The following KIAA1549 variants were observed in gnomAD, a reference collection of about 807,000 sequenced individuals.
The protein encoded by KIAA1549 is UPF0606 protein KIAA1549.
KIAA1549 carries 70 observed loss-of-function variants against 156.4 expected under a neutral mutation model. That is an observed-to-expected ratio of 0.45 (90% confidence interval 0.37 to 0.55). KIAA1549 has a LOEUF of 0.55. Ranked by LOEUF, KIAA1549 falls within the 20% of genes least tolerant of loss-of-function variation. KIAA1549 has a pLI of 0.00. For synonymous variants in KIAA1549, 1,103 were observed against 1,066.4 expected, an observed-to-expected ratio of 1.03 and a Z score of -0.67; for missense variants, 2,428 against 2,540.9, an observed-to-expected ratio of 0.96 and a Z score of 0.96.
chr7:138,894,598 T>G, intron 9 of KIAA1549, 72 bp from the exon 10 acceptor site: 1 of 1,462,968 alleles, frequency 6.8e-7, no homozygotes, highest in Non-Finnish European at 9.4e-7. Flanking sequence ...GTGTCTTCTA[T>G]GAGAAACTCA....
intron 10 of KIAA1549, among the ~76,000 whole-genome samples, chr7:138,891,308 A>C (rs542102035): frequency 1.3e-5 from 2 of 152,262 alleles, no homozygotes; most frequent in Non-Finnish European, 2.9e-5. Context: ...AAGGGCAGTC[A>C]GGAGCTCTGG....
At chr7:138,932,408 A>AT (rs1343697445) in intron 1 of KIAA1549, among the ~76,000 whole-genome samples, 7 of 152,062 alleles carry the variant, frequency 4.6e-5, no homozygotes, top group African/African-American at 1.7e-4. Flanking sequence ...AGAAAAAAAA[A>AT]ATATTTTTAA....
intron 1 of KIAA1549, among the ~76,000 whole-genome samples, chr7:138,961,077 C>T (rs1473370448): frequency 2.0e-5 from 3 of 152,364 alleles, no homozygotes; most frequent in African/African-American, 7.2e-5. Context: ...GCCATCTGTC[C>T]TGCACTTGGA....
At chr7:138,845,778 C>T (rs1810056438) in intron 17 of KIAA1549, among the ~76,000 whole-genome samples, 1 of 152,098 alleles carries the variant, frequency 6.6e-6, no homozygotes, top group South Asian at 2.1e-4. Flanking sequence ...AGACAAGTTC[C>T]CAAAATTCAA....
intron 1 of KIAA1549, among the ~76,000 whole-genome samples, chr7:138,964,772 G>A (rs1813965049): frequency 6.6e-6 from 1 of 152,206 alleles, no homozygotes; most frequent in Admixed American, 6.5e-5. Flanking sequence ...CTGGTGCATT[G>A]CTAGAGAGAA....
intron 10 of KIAA1549, 22 bp downstream of exon 10, chr7:138,894,320 G>A (rs1413791761): frequency 1.9e-6 from 3 of 1,612,412 alleles, no homozygotes; most frequent in Non-Finnish European, 1.7e-6. Flanking sequence ...TAGGAACACT[G>A]GGGGAAGAGG....
intron 1 of KIAA1549, among the ~76,000 whole-genome samples, chr7:138,930,023 T>C (rs1212847647): frequency 6.6e-6 from 1 of 152,204 alleles, no homozygotes; most frequent in Admixed American, 6.5e-5. Context: ...TCAAAATTAC[T>C]CTTGATCCAT....
In KIAA1549 at chr7:138,844,551, C is replaced by T. The variant is rs919839688; in HGVS notation, c.5295-77G>A. Reference sequence around the variant, plus strand: ...GTATTCCATGAGGTCCACCCCCAACCTTACAGAAGGTAACACTTATTTGTC... The same window carrying T: ...GTATTCCATGAGGTCCACCCCCAACTTTACAGAAGGTAACACTTATTTGTC... On this transcript the variant is annotated intron_variant, in intron 17 of 19. Coordinates refer to ENST00000422774, the MANE Select transcript of KIAA1549 (RefSeq NM_001164665.2). 12 of 1,327,670 alleles carry T rather than the reference C, an allele frequency of 9.0e-6. No individual in the cohort carries two copies. In the African/African-American group the frequency reaches 1.2e-4, roughly 13 times the overall value. 82.2% of individuals were successfully genotyped at this position (1,327,670 alleles called of 1,614,324 possible).
In KIAA1549 at chr7:138,839,005, T is replaced by C. The variant is rs1271049304; in HGVS notation, c.5599-845A>G. On this transcript the variant is annotated intron_variant, in intron 19 of 19. Coordinates refer to ENST00000422774, the MANE Select transcript of KIAA1549 (RefSeq NM_001164665.2). ...CATAGTGAGACCTTGCCTCCATTTT[T>C]TCAAAAAAACAAAACACCAAAACCA... Among the ~76,000 whole-genome samples the C allele has an allele frequency of 2.0e-5, 3 of 152,188 alleles. No individual in the cohort carries two copies. The East Asian group carries it at 5.8e-4, about 29-fold the overall frequency.
intron 6 of KIAA1549, among the ~76,000 whole-genome samples, chr7:138,906,297 G>A (rs1179581097): frequency 6.6e-6 from 1 of 152,134 alleles, no homozygotes; most frequent in African/African-American, 2.4e-5. Context: ...CGACACCCAG[G>A]GTGAACCTTA....
At chr7:138,957,687 A>G (rs1813709077) in intron 1 of KIAA1549, among the ~76,000 whole-genome samples, 1 of 152,098 alleles carries the variant, frequency 6.6e-6, no homozygotes, top group Admixed American at 6.6e-5. Flanking sequence ...CATGTTAGCA[A>G]GGCTTGTCTC....
rs74787905 is a variant in KIAA1549, at chr7:138,846,782, C to T, written c.5295-2308G>A. Among the ~76,000 whole-genome samples the T allele has an allele frequency of 6.2e-3, 950 of 152,276 alleles. 7 individuals are homozygous for T. Among genetic ancestry groups the T allele is most frequent in the Middle Eastern group, 0.014 (4 of 294 alleles). On this transcript the variant is annotated intron_variant, in intron 17 of 19. Coordinates refer to ENST00000422774, the MANE Select transcript of KIAA1549 (RefSeq NM_001164665.2). ...TCAAGAAAAAAAAGATAATAGTCTG[C>T]TACAGTTCTTTGCAAATGACACTGA...
At chr7:138,857,482 G>A (rs761897974) in intron 16 of KIAA1549, among the ~76,000 whole-genome samples, 2 of 152,108 alleles carry the variant, frequency 1.3e-5, no homozygotes, top group Non-Finnish European at 1.5e-5. Flanking sequence ...TGGTTCATAC[G>A]GTAGGATATA....
At chr7:138,912,873 G>A (rs1006021638) in intron 2 of KIAA1549, among the ~76,000 whole-genome samples, 19 of 152,042 alleles carry the variant, frequency 1.2e-4, no homozygotes, top group Admixed American at 1.1e-3. Context: ...CTCTCAGAAG[G>A]AACATTTTTC....
intron 11 of KIAA1549, 110 bp downstream of exon 11, chr7:138,881,278 G>T: frequency 1.9e-6 from 2 of 1,078,500 alleles, no homozygotes; most frequent in Non-Finnish European, 2.7e-6. Flanking sequence ...CTGCTGGGCT[G>T]CACATGCAGG....
Position 138,834,665 on chromosome 7 carries a change from T to C in KIAA1549, c.*3241A>G, listed in dbSNP as rs1809650634. The C allele has an allele frequency of 4.3e-6, 1 of 232,318 alleles. No homozygotes were observed. The highest frequency in any genetic ancestry group is 5.6e-5 in the Admixed American group (1 of 17,760). 14.4% of individuals were successfully genotyped at this position (232,318 alleles called of 1,614,324 possible). On this transcript the variant is annotated 3_prime_UTR_variant, in exon 20 of 20. Transcript: ENST00000422774. ...TGAAGGAAGTGAAATTAAAGCAAAA[T>C]GGGAGTGAGGAAACTGAGTCACACC... is the stretch of plus-strand genomic sequence containing the variant.
chr7:138,921,998 A>G (rs1278592756), intron 1 of KIAA1549, among the ~76,000 whole-genome samples: 8 of 152,238 alleles, frequency 5.3e-5, no homozygotes, highest in Admixed American at 5.2e-4. Context: ...TTGACAGCAA[A>G]TCACCAGCAG....
In KIAA1549 at chr7:138,908,984, T is replaced by C. The variant is rs1409160461; in HGVS notation, c.3276+7A>G. 1.9e-6 allele frequency: 3 copies of C among 1,613,888 alleles called. No homozygotes were observed. In the South Asian group the frequency reaches 3.3e-5, roughly 18 times the overall value. On this transcript the variant is annotated splice_region_variant and intron_variant, in intron 5 of 19. Transcript: ENST00000422774. ...GCCTTCTGCTCTGCATTCAGTGATA[T>C]TCTCACCTGCACCGTGAGGTTATAC...
rs151189317 is a variant in KIAA1549, at chr7:138,895,901, T to C, written c.3848-1375A>G. ...GAAACGGCATTATTTAAGCTACCAG[T>C]TGTCCACTTTTACACGAAGCATATC... is the stretch of plus-strand genomic sequence containing the variant. On this transcript the variant is annotated intron_variant, in intron 9 of 19. Coordinates refer to ENST00000422774, the MANE Select transcript of KIAA1549 (RefSeq NM_001164665.2). Among the ~76,000 whole-genome samples, 10 of 152,146 alleles carry C rather than the reference T, an allele frequency of 6.6e-5. No individual in the cohort carries two copies. In the East Asian group the frequency reaches 1.5e-3, roughly 24 times the overall value.
Sources: gnomAD v4.1 joint callset for allele counts (sites outside exome capture counted in the v4.1 genomes callset) on GRCh38, gnomAD v4.1.1 for gene constraint, MANE v1.5 for transcripts, NCBI Gene and HGNC (gene_info 2026-07-23, HGNC 2026-07-21) for gene names.